Variants in CSPP1 observed in about 807,000 individuals in gnomAD.
CSPP1 encodes centrosome and spindle pole-associated protein 1.
Under a neutral mutation model 164.4 loss-of-function variants are expected in CSPP1, and 126 were observed. That is an observed-to-expected ratio of 0.77 (90% confidence interval 0.66 to 0.89). CSPP1 has a LOEUF of 0.89. Among genes scored for constraint, CSPP1 ranks in the 40% least tolerant of loss-of-function variants. The probability of loss-of-function intolerance (pLI) is 0.00; values close to 1 mark genes in which losing one functional copy is unlikely to be tolerated. For missense variants in CSPP1, 1,395 were observed against 1,449.8 expected, an observed-to-expected ratio of 0.96 and a Z score of 0.61; for synonymous variants, 472 against 476.7, an observed-to-expected ratio of 0.99 and a Z score of 0.13.
chr8:67,125,903 G>A (rs1563623924), intron 15 of CSPP1, among the ~76,000 whole-genome samples: 1 of 152,158 alleles, frequency 6.6e-6, no homozygotes. Flanking sequence ...CCTGATCTCA[G>A]CTCACTACAA....
chr8:67,146,634 T>C (rs1824625921), intron 17 of CSPP1, among the ~76,000 whole-genome samples: 1 of 152,234 alleles, frequency 6.6e-6, no homozygotes, highest in Non-Finnish European at 1.5e-5. Context: ...CAGCCATGAA[T>C]TGCTGAATAA....
intron 25 of CSPP1, chr8:67,172,786 T>G (rs1830724191): frequency 1.5e-5 from 6 of 413,236 alleles, no homozygotes; most frequent in Admixed American, 7.8e-5. Flanking sequence ...AGTGTTAAAG[T>G]CTGGAATGGA....
chr8:67,159,882 T>C (rs1827560128), intron 21 of CSPP1, among the ~76,000 whole-genome samples: 1 of 63,564 alleles, frequency 1.6e-5, no homozygotes, highest in African/African-American at 7.6e-5. Flanking sequence ...CTTTCTTTCT[T>C]TCTTTCTTTC....
chr8:67,172,702 C>T (rs1287009870), intron 25 of CSPP1, 147 bp downstream of exon 25: 3 of 675,316 alleles, frequency 4.4e-6, no homozygotes, highest in Non-Finnish European at 7.0e-6. Flanking sequence ...CTTATGTATT[C>T]TCTAGGTCTT....
intron 17 of CSPP1, 56 bp downstream of exon 17, chr8:67,137,659 TA>T (rs1245333621): frequency 3.2e-6 from 4 of 1,269,364 alleles, no homozygotes; most frequent in Non-Finnish European, 4.2e-6. Context: ...TTTAACTTTT[TA>T]AAAGATTGGG....
At chr8:67,094,177 T>G (rs979153852) in intron 6 of CSPP1, among the ~76,000 whole-genome samples, 9 of 149,842 alleles carry the variant, frequency 6.0e-5, no homozygotes, top group African/African-American at 2.2e-4. Flanking sequence ...CCAAAACATT[T>G]ACCACTTTCT....
intron 16 of CSPP1, 78 bp downstream of exon 16, chr8:67,132,158 C>G (rs1056872060): frequency 3.7e-6 from 5 of 1,351,406 alleles, no homozygotes; most frequent in African/African-American, 1.5e-5. Flanking sequence ...AGAGTGTGGC[C>G]GGGGAGGGGA....
intron 9 of CSPP1, among the ~76,000 whole-genome samples, chr8:67,108,604 T>C (rs1361384044): frequency 6.6e-6 from 1 of 152,182 alleles, no homozygotes; most frequent in Non-Finnish European, 1.5e-5. Context: ...AAGACCTTCA[T>C]GTCCTTGACA....
chr8:67,174,601 A>G (rs1831167066), intron 25 of CSPP1: 1 of 152,174 alleles, frequency 6.6e-6, no homozygotes, highest in Admixed American at 6.5e-5. Context: ...TCTCTACTAA[A>G]AACTACAAGA....
chr8:67,158,886 T>C, intron 20 of CSPP1, 105 bp from the exon 21 acceptor site: 1 of 1,021,522 alleles, frequency 9.8e-7, no homozygotes, highest in Non-Finnish European at 1.4e-6. Flanking sequence ...CCATATCATG[T>C]CATCTATATC....
At position 67,150,300 on chromosome 8, in the gene CSPP1, A is replaced by G. The variant is rs576522558; in HGVS notation, c.2128+365A>G. 5.9e-5 allele frequency among the ~76,000 whole-genome samples: 9 copies of G among 152,328 alleles called. No individual in the cohort carries two copies. The South Asian group carries it at 1.9e-3, about 32-fold the overall frequency. Reference sequence around the variant, plus strand: ...TAGCTGTTTGAATTAGTGAAACAGTATCATTGTGATATGATAAATTGTACA... The same window carrying G: ...TAGCTGTTTGAATTAGTGAAACAGTGTCATTGTGATATGATAAATTGTACA... On this transcript the variant is annotated intron_variant, in intron 18 of 30. Transcript: ENST00000678616.
intron 1 of CSPP1, among the ~76,000 whole-genome samples, chr8:67,066,010 T>A (rs1037025092): frequency 1.3e-5 from 2 of 152,178 alleles, no homozygotes; most frequent in African/African-American, 4.8e-5. Context: ...CTGACTTAGG[T>A]TCTGATGTAC....
chr8:67,146,533 G>T (rs1824600348), intron 17 of CSPP1, among the ~76,000 whole-genome samples: 1 of 152,162 alleles, frequency 6.6e-6, no homozygotes, highest in Middle Eastern at 3.4e-3. Context: ...TTTAAATTAG[G>T]TTAATTTTGA....
chr8:67,096,222 ACT>A (rs1301051653), intron 7 of CSPP1, among the ~76,000 whole-genome samples: 4 of 152,178 alleles, frequency 2.6e-5, no homozygotes, highest in African/African-American at 7.2e-5. Context: ...GGGAAAAATA[ACT>A]CTGCAATAAC....
intron 17 of CSPP1, among the ~76,000 whole-genome samples, chr8:67,140,782 CAAG>C (rs1554594607): frequency 6.6e-6 from 1 of 152,196 alleles, no homozygotes; most frequent in Non-Finnish European, 1.5e-5. Context: ...GGTTCTCCTC[CAAG>C]AAGTGACTCA....
At chr8:67,087,191 T>G (rs1810588149) in intron 4 of CSPP1, among the ~76,000 whole-genome samples, 1 of 151,342 alleles carries the variant, frequency 6.6e-6, no homozygotes, top group South Asian at 2.1e-4. Flanking sequence ...ACAGTAAGAT[T>G]AATAGAGTAG....
chr8:67,183,023 G>A (rs1256227265), intron 28 of CSPP1, among the ~76,000 whole-genome samples: 1 of 152,100 alleles, frequency 6.6e-6, no homozygotes, highest in Non-Finnish European at 1.5e-5. Context: ...TGTGCTTTTG[G>A]TGTCACATCT....
chr8:67,171,264 A>G (rs1286268179), intron 24 of CSPP1, among the ~76,000 whole-genome samples: 1 of 151,038 alleles, frequency 6.6e-6, no homozygotes, highest in Non-Finnish European at 1.5e-5. Flanking sequence ...AGCTGGGCCT[A>G]GTGGTGCACG....
chr8:67,074,786 CTTTT>C (rs397945936), intron 2 of CSPP1: 3 of 271,034 alleles, frequency 1.1e-5, no homozygotes, highest in South Asian at 9.7e-5. Flanking sequence ...AAAATAATTG[CTTTT>C]TTTTTTTTGA....
Sources: allele counts gnomAD v4.1 joint callset (sites outside exome capture counted in the v4.1 genomes callset), GRCh38; gene constraint gnomAD v4.1.1; transcripts MANE v1.5; gene names NCBI Gene and HGNC (gene_info 2026-07-23, HGNC 2026-07-21).